The following SH3PXD2A variants were observed in gnomAD, a reference collection of about 807,000 sequenced individuals.
The protein encoded by SH3PXD2A is SH3 and PX domain-containing protein 2A.
Under a neutral mutation model 115.2 loss-of-function variants are expected in SH3PXD2A, and 32 were observed. The observed-to-expected ratio is 0.28, with a 90% confidence interval of 0.21 to 0.37. SH3PXD2A has a LOEUF of 0.37. Ranked by LOEUF, SH3PXD2A falls within the 10% of genes least tolerant of loss-of-function variation. The pLI is 1.00. For missense variants in SH3PXD2A, 1,328 were observed against 1,498.7 expected (o/e 0.89, Z 1.88); for synonymous variants, 610 against 629.1 (o/e 0.97, Z 0.45).
At chr10:103,711,942 T>A (rs1484324716) in intron 5 of SH3PXD2A, among the ~76,000 whole-genome samples, 1 of 151,876 alleles carries the variant, frequency 6.6e-6, no homozygotes, top group Non-Finnish European at 1.5e-5. Flanking sequence ...GTGCCTGCAG[T>A]CCCAGCTACT....
chr10:103,822,552 G>A (rs1410041311), intron 1 of SH3PXD2A, among the ~76,000 whole-genome samples: 1 of 152,248 alleles, frequency 6.6e-6, no homozygotes, highest in African/African-American at 2.4e-5. Flanking sequence ...CATGGTGGGG[G>A]GGGAGCAGCA....
chr10:103,701,869 A>G (rs1036342374), intron 5 of SH3PXD2A, among the ~76,000 whole-genome samples: 5 of 148,888 alleles, frequency 3.4e-5, no homozygotes, highest in Admixed American at 3.3e-4. Context: ...TTTACCATCT[A>G]TCCATCTATC....
chr10:103,824,190 G>C (rs900655984), intron 1 of SH3PXD2A, among the ~76,000 whole-genome samples: 22 of 152,288 alleles, frequency 1.4e-4, no homozygotes, highest in Middle Eastern at 3.4e-3. Context: ...CCAAGGGGAG[G>C]GTGGGCAGGC....
intron 2 of SH3PXD2A, among the ~76,000 whole-genome samples, chr10:103,783,891 C>T (rs570056012): frequency 7.9e-4 from 120 of 152,366 alleles, no homozygotes; most frequent in African/African-American, 2.7e-3. Flanking sequence ...GCGAGCCGCC[C>T]GGGGCAGCCT....
intron 8 of SH3PXD2A, among the ~76,000 whole-genome samples, chr10:103,642,845 CT>C (rs1389841308): frequency 1.3e-5 from 2 of 152,178 alleles, no homozygotes; most frequent in Admixed American, 6.5e-5. Flanking sequence ...CCCTTTCTCT[CT>C]TTGCTAAAAA....
chr10:103,709,961 G>T (rs1007370307), intron 5 of SH3PXD2A, among the ~76,000 whole-genome samples: 65 of 151,920 alleles, frequency 4.3e-4, no homozygotes, highest in Admixed American at 2.2e-3. Flanking sequence ...TGAGCATGGG[G>T]GTGGACACCT....
At chr10:103,643,507 C>T (rs1226180082) in intron 8 of SH3PXD2A, among the ~76,000 whole-genome samples, 1 of 152,194 alleles carries the variant, frequency 6.6e-6, no homozygotes, top group Non-Finnish European at 1.5e-5. Flanking sequence ...AAAACACATA[C>T]AATGAAACAA....
chr10:103,636,825 C>T (rs1184947022), intron 8 of SH3PXD2A, among the ~76,000 whole-genome samples: 1 of 152,164 alleles, frequency 6.6e-6, no homozygotes, highest in African/African-American at 2.4e-5. Context: ...CCCAAACCTC[C>T]CAGCCCTGTT....
intron 2 of SH3PXD2A, among the ~76,000 whole-genome samples, chr10:103,775,991 T>G (rs989198717): frequency 6.6e-6 from 1 of 152,218 alleles, no homozygotes; most frequent in African/African-American, 2.4e-5. Context: ...GCAGAGCCAT[T>G]TCCATCCCTG....
chr10:103,778,314 A>G (rs2038899882), intron 2 of SH3PXD2A, among the ~76,000 whole-genome samples: 1 of 152,206 alleles, frequency 6.6e-6, no homozygotes, highest in Admixed American at 6.5e-5. Context: ...CCTGGGCGAT[A>G]GAGCGAGACT....
At chr10:103,723,407 T>C (rs1387136433) in intron 5 of SH3PXD2A, among the ~76,000 whole-genome samples, 1 of 152,242 alleles carries the variant, frequency 6.6e-6, no homozygotes, top group Non-Finnish European at 1.5e-5. Context: ...AATGAGAACC[T>C]ATGCTGGGGA....
intron 3 of SH3PXD2A, among the ~76,000 whole-genome samples, chr10:103,744,307 C>A (rs949746656): frequency 1.3e-5 from 2 of 152,126 alleles, no homozygotes; most frequent in African/African-American, 4.8e-5. Context: ...GTATGTGCCA[C>A]CACACCTGGC....
chr10:103,744,521 C>T (rs1336086137), intron 3 of SH3PXD2A, among the ~76,000 whole-genome samples: 1 of 152,170 alleles, frequency 6.6e-6, no homozygotes, highest in African/African-American at 2.4e-5. Flanking sequence ...AGCCTGGGGA[C>T]TGCAGGTCAC....
chr10:103,767,810 GTTTTTTTTT>G (rs34903223), intron 2 of SH3PXD2A, among the ~76,000 whole-genome samples: 4 of 67,742 alleles, frequency 5.9e-5, no homozygotes, highest in Non-Finnish European at 1.2e-4. Flanking sequence ...CAACTGTTTT[GTTTTTTTTT>G]TTTTTTTTTT....
chr10:103,606,920 G>A (rs1376130059), intron 13 of SH3PXD2A, among the ~76,000 whole-genome samples: 2 of 151,792 alleles, frequency 1.3e-5, no homozygotes, highest in African/African-American at 2.4e-5. Flanking sequence ...CCGCCACCCC[G>A]TCTGGGAAGT....
intron 6 of SH3PXD2A, among the ~76,000 whole-genome samples, chr10:103,686,483 C>A (rs2037679795): frequency 6.6e-6 from 1 of 152,184 alleles, no homozygotes; most frequent in Non-Finnish European, 1.5e-5. Context: ...CTGCTCCAGC[C>A]CCACTGGGGC....
At chr10:103,850,924 A>G (rs1842890698) in intron 1 of SH3PXD2A, among the ~76,000 whole-genome samples, 1 of 152,182 alleles carries the variant, frequency 6.6e-6, no homozygotes, top group Non-Finnish European at 1.5e-5. Flanking sequence ...AAATTATCTC[A>G]GGCCAACTTC....
chr10:103,683,806 A>C (rs551918783), intron 6 of SH3PXD2A, among the ~76,000 whole-genome samples: 1 of 152,254 alleles, frequency 6.6e-6, no homozygotes, highest in South Asian at 2.1e-4. Flanking sequence ...TCTGTCCTTC[A>C]GGGCCATCTC....
chr10:103,654,024 C>T (rs934716668), intron 8 of SH3PXD2A, among the ~76,000 whole-genome samples: 7 of 151,978 alleles, frequency 4.6e-5, no homozygotes, highest in African/African-American at 7.2e-5. Context: ...CTCTGCCTGT[C>T]TAATCCCTTC....
Sources: allele counts gnomAD v4.1 joint callset (sites outside exome capture counted in the v4.1 genomes callset), GRCh38; gene constraint gnomAD v4.1.1; transcripts MANE v1.5; gene names NCBI Gene and HGNC (gene_info 2026-07-23, HGNC 2026-07-21).